CSMD1: variants seen among roughly 807,000 people sequenced by gnomAD.
CSMD1 encodes CUB and Sushi multiple domains 1.
Under a neutral mutation model 417.5 loss-of-function variants are expected in CSMD1, and 213 were observed. The ratio of observed to expected loss-of-function variants is 0.51; its 90% confidence interval spans 0.46 to 0.57. The LOEUF (loss-of-function observed/expected upper bound fraction) is 0.57. CSMD1 is among the 20% of genes least tolerant of loss of function. The probability of loss-of-function intolerance (pLI) is 0.00; values close to 1 mark genes in which losing one functional copy is unlikely to be tolerated. For missense variants in CSMD1, 6,923 were observed against 4,529.7 expected (o/e 1.53, Z -15.17); for synonymous variants, 2,862 against 1,736.8 (o/e 1.65, Z -16.11).
intron 49 of CSMD1, among the ~76,000 whole-genome samples, chr8:3,074,092 A>T (rs570590900): frequency 5.3e-5 from 8 of 152,282 alleles, no homozygotes; most frequent in Admixed American, 2.6e-4. Context: ...AGATCACTCA[A>T]GTGGTGGCAG....
chr8:3,649,250 A>G (rs565173973), intron 7 of CSMD1, among the ~76,000 whole-genome samples: 15 of 152,312 alleles, frequency 9.8e-5, no homozygotes, highest in African/African-American at 3.6e-4. Flanking sequence ...TCTGTAACAT[A>G]AAACCAACCT....
At chr8:3,500,016 G>A (rs140979462) in intron 10 of CSMD1, among the ~76,000 whole-genome samples, 5 of 152,106 alleles carry the variant, frequency 3.3e-5, no homozygotes, top group African/African-American at 9.7e-5. Flanking sequence ...CTTTTCTGAA[G>A]CCCTGAATAC....
At chr8:3,714,072 A>T (rs1264646950) in intron 6 of CSMD1, among the ~76,000 whole-genome samples, 1 of 142,754 alleles carries the variant, frequency 7.0e-6, no homozygotes, top group Non-Finnish European at 1.5e-5. Flanking sequence ...GTCCACATAC[A>T]CACATATGTA....
At chr8:4,519,184 C>T (rs1375410259) in intron 2 of CSMD1, among the ~76,000 whole-genome samples, 1 of 152,036 alleles carries the variant, frequency 6.6e-6, no homozygotes, top group African/African-American at 2.4e-5. Flanking sequence ...TCAGGATTCC[C>T]TAATAAATTA....
rs958249748 is a variant in CSMD1 at position 3,106,668 on chromosome 8, G to A, written c.6836-27C>T. ...TAGAAGAGTCAATGCAACAAACCAG[G>A]AAATTGTGTGTGACCTTCTGAGTGT... On this transcript the variant is annotated intron_variant, in intron 45 of 69. Coordinates refer to ENST00000635120, the MANE Select transcript of CSMD1 (RefSeq NM_033225.6). 6.3e-6 allele frequency: 9 copies of A among 1,434,076 alleles called. No individual in the cohort carries two copies. The African/African-American group carries it at 9.8e-5, about 16-fold the overall frequency. The allele number at this position is 1,434,076 out of a possible 1,614,324, so 88.8% of individuals were successfully genotyped here.
chr8:4,214,112 G>GT (rs566107904), intron 3 of CSMD1, among the ~76,000 whole-genome samples: 2 of 151,660 alleles, frequency 1.3e-5, no homozygotes, highest in African/African-American at 2.4e-5. Flanking sequence ...TTTCATTCCA[G>GT]TTTTTTTGTT....
intron 6 of CSMD1, among the ~76,000 whole-genome samples, chr8:3,738,181 C>A (rs922505547): frequency 1.3e-5 from 2 of 152,116 alleles, no homozygotes; most frequent in South Asian, 4.1e-4. Context: ...TTGATCTATA[C>A]ATTTAATAAG....
At chr8:4,817,901 C>G (rs1450835830) in intron 1 of CSMD1, among the ~76,000 whole-genome samples, 1 of 152,142 alleles carries the variant, frequency 6.6e-6, no homozygotes, top group African/African-American at 2.4e-5. Context: ...TTAGAACAAT[C>G]AGCAACAAAT....
At chr8:3,777,702 C>T (rs779006995) in intron 5 of CSMD1, among the ~76,000 whole-genome samples, 1 of 152,242 alleles carries the variant, frequency 6.6e-6, no homozygotes, top group African/African-American at 2.4e-5. Flanking sequence ...GACCTGCGGC[C>T]TCCTTCAGAT....
chr8:3,238,290 A>G (rs1417484860), intron 26 of CSMD1, among the ~76,000 whole-genome samples: 2 of 152,034 alleles, frequency 1.3e-5, no homozygotes, highest in South Asian at 2.1e-4. Context: ...GGAACAGGCC[A>G]TTTTCACTTC....
At chr8:4,561,388 C>A (rs1434053011) in intron 2 of CSMD1, among the ~76,000 whole-genome samples, 5 of 151,806 alleles carry the variant, frequency 3.3e-5, no homozygotes, top group African/African-American at 7.3e-5. Flanking sequence ...CAAAACAAAA[C>A]AAAAAAAATT....
chr8:3,665,806 G>C (rs958152027), intron 7 of CSMD1, among the ~76,000 whole-genome samples: 3 of 152,130 alleles, frequency 2.0e-5, no homozygotes, highest in East Asian at 1.9e-4. Context: ...AGCACCCCTA[G>C]GAATCTCTTG....
At chr8:4,091,983 T>C (rs1386484555) in intron 3 of CSMD1, among the ~76,000 whole-genome samples, 2 of 152,196 alleles carry the variant, frequency 1.3e-5, no homozygotes, top group East Asian at 1.9e-4. Context: ...AGACATTTTA[T>C]GCGCCTAAAA....
At chr8:3,680,691 G>C (rs1799607266) in intron 7 of CSMD1, among the ~76,000 whole-genome samples, 1 of 152,164 alleles carries the variant, frequency 6.6e-6, no homozygotes, top group East Asian at 1.9e-4. Context: ...CATTTCATGA[G>C]GCCAACATCA....
At chr8:4,178,250 T>C (rs1401876262) in intron 3 of CSMD1, among the ~76,000 whole-genome samples, 1 of 152,086 alleles carries the variant, frequency 6.6e-6, no homozygotes, top group African/African-American at 2.4e-5. Context: ...GTGGGCTTCA[T>C]CCCTGGGATG....
At chr8:4,027,744 T>C (rs1797136428) in intron 4 of CSMD1, among the ~76,000 whole-genome samples, 1 of 152,100 alleles carries the variant, frequency 6.6e-6, no homozygotes, top group African/African-American at 2.4e-5. Context: ...AGCCAGTCTG[T>C]TTGAGAAGGG....
intron 3 of CSMD1, among the ~76,000 whole-genome samples, chr8:4,412,604 C>G (rs968642753): frequency 1.3e-5 from 2 of 152,154 alleles, no homozygotes; most frequent in East Asian, 3.9e-4. Context: ...TGGAATTTCT[C>G]TTAATGAAGT....
intron 21 of CSMD1, among the ~76,000 whole-genome samples, chr8:3,356,590 G>C (rs1202744113): frequency 2.0e-5 from 3 of 152,212 alleles, no homozygotes; most frequent in Admixed American, 6.5e-5. Context: ...CAGGAGAATT[G>C]CTTGAACCTG....
chr8:3,241,355 T>C (rs959920162), intron 26 of CSMD1, among the ~76,000 whole-genome samples: 3 of 151,894 alleles, frequency 2.0e-5, no homozygotes, highest in African/African-American at 7.3e-5. Flanking sequence ...GAAGGTAATG[T>C]GGAGTGGGTA....
Sources: allele counts gnomAD v4.1 joint callset (sites outside exome capture counted in the v4.1 genomes callset), GRCh38; gene constraint gnomAD v4.1.1; transcripts MANE v1.5; gene names NCBI Gene and HGNC (gene_info 2026-07-23, HGNC 2026-07-21).